The following AOX1 variants were observed in gnomAD, a reference collection of about 807,000 sequenced individuals.
AOX1 encodes aldehyde oxidase 1.
A neutral mutation model predicts 169.5 loss-of-function variants in AOX1; 153 were observed. That is an observed-to-expected ratio of 0.90 (90% CI 0.79 to 1.03). The LOEUF (loss-of-function observed/expected upper bound fraction) is 1.03. Among genes scored for constraint, AOX1 ranks in the 50% least tolerant of loss-of-function variants. The probability of loss-of-function intolerance (pLI) is 0.00; values close to 1 mark genes in which losing one functional copy is unlikely to be tolerated. For synonymous variants in AOX1, 562 were observed against 581.9 expected (o/e 0.97, Z 0.49); for missense variants, 1,656 against 1,663.9 (o/e 1.00, Z 0.08).
At chr2:200,638,444 G>T (rs994261328) in intron 23 of AOX1, 142 bp downstream of exon 23, 10 of 687,520 alleles carry the variant, frequency 1.5e-5, no homozygotes, top group Non-Finnish European at 2.2e-5. Flanking sequence ...CTTTCTATTG[G>T]TTGCACTGAC....
intron 13 of AOX1, 135 bp downstream of exon 13, chr2:200,611,628 G>A: frequency 1.6e-6 from 1 of 637,480 alleles, no homozygotes; most frequent in Non-Finnish European, 2.8e-6. Context: ...GAAGTGGTAT[G>A]AGGTCATTAT....
intron 19 of AOX1, 41 bp downstream of exon 19, chr2:200,624,024 G>A: frequency 6.2e-7 from 1 of 1,609,534 alleles, no homozygotes; most frequent in Non-Finnish European, 8.5e-7. Context: ...TTGGGAGCCA[G>A]AACAAATATC....
chr2:200,662,802 T>C, intron 30 of AOX1, 53 bp from the exon 31 acceptor site: 2 of 1,411,764 alleles, frequency 1.4e-6, no homozygotes, highest in Non-Finnish European at 2.0e-6. Flanking sequence ...TTAGTCATCA[T>C]GGTCTGCAAT....
rs192745424 is a variant in AOX1 at position 200,623,688 on chromosome 2, G to A, written c.2002-173G>A. On this transcript the variant is annotated intron_variant, in intron 18 of 34. Transcript: ENST00000374700. The stretch of plus-strand genomic sequence containing the variant: ...GGATCTAAACTTCCCCCAGTGCCTC[G>A]GATCAGGAGGCCAGCTGTGGTTATA... Among the ~76,000 whole-genome samples the A allele has an allele frequency of 9.6e-4, 146 of 152,300 alleles. No homozygotes were observed. The highest frequency in any genetic ancestry group is 2.9e-3 in the South Asian group (14 of 4,830).
At chr2:200,636,247 G>A (rs2035230051) in intron 21 of AOX1, among the ~76,000 whole-genome samples, 1 of 145,742 alleles carries the variant, frequency 6.9e-6, no homozygotes, top group Non-Finnish European at 1.5e-5. Context: ...TCCGGCCTCA[G>A]CCTCCTGAGC....
intron 24 of AOX1, 87 bp from the exon 25 acceptor site, chr2:200,642,523 C>T: frequency 9.4e-7 from 1 of 1,063,892 alleles, no homozygotes; most frequent in South Asian, 1.5e-5. Flanking sequence ...AGAGAGCTGC[C>T]ATTTTCGGCC....
chr2:200,645,267 G>C (rs1418858538), intron 25 of AOX1, among the ~76,000 whole-genome samples: 1 of 152,132 alleles, frequency 6.6e-6, no homozygotes, highest in Non-Finnish European at 1.5e-5. Context: ...ATTTTGCTGA[G>C]AGTTTTAATC....
downstream of AOX1, among the ~76,000 whole-genome samples, chr2:200,675,605 A>G (rs550287008): frequency 1.4e-4 from 21 of 152,352 alleles, no homozygotes; most frequent in African/African-American, 5.0e-4. Context: ...ATACTTGCTC[A>G]AATGTCCAAA....
intron 32 of AOX1, 148 bp downstream of exon 32, chr2:200,666,900 T>C: frequency 2.0e-6 from 1 of 497,700 alleles, no homozygotes; most frequent in East Asian, 3.2e-5. Context: ...AGAGCTCAAA[T>C]GTTTTACTGT....
intron 25 of AOX1, among the ~76,000 whole-genome samples, chr2:200,650,595 T>C (rs569092629): frequency 2.6e-5 from 4 of 152,338 alleles, no homozygotes; most frequent in Non-Finnish European, 5.9e-5. Context: ...AGTCTTATCT[T>C]GCAACATAGC....
intron 15 of AOX1, among the ~76,000 whole-genome samples, chr2:200,615,537 C>T (rs2034736749): frequency 6.6e-6 from 1 of 152,198 alleles, no homozygotes; most frequent in Non-Finnish European, 1.5e-5. Flanking sequence ...ACACAGCTGG[C>T]AGGCAACATG....
chr2:200,671,349 T>C lies in AOX1; in HGVS notation c.*670T>C, dbSNP rs1221277086. Reference sequence around the variant, plus strand: ...CAATAAAAGGCAAGTAATTTAAAAATAGGCAAAAGAATTGCTGGATGGTAT... The same window carrying C: ...CAATAAAAGGCAAGTAATTTAAAAACAGGCAAAAGAATTGCTGGATGGTAT... On this transcript the variant is annotated 3_prime_UTR_variant, in exon 35 of 35. Transcript: ENST00000374700. 1 of 152,216 alleles carries C rather than the reference T, an allele frequency of 6.6e-6. No homozygotes were observed. Among genetic ancestry groups the C allele is most frequent in the Admixed American group, 6.5e-5 (1 of 15,282 alleles). 9.4% of individuals were successfully genotyped at this position (152,216 alleles called of 1,614,324 possible).
At chr2:200,624,503 G>A (rs1032140259) in intron 19 of AOX1, among the ~76,000 whole-genome samples, 1 of 152,170 alleles carries the variant, frequency 6.6e-6, no homozygotes, top group African/African-American at 2.4e-5. Flanking sequence ...GGGGATGCTA[G>A]ATGGGAAACA....
downstream of AOX1, among the ~76,000 whole-genome samples, chr2:200,675,004 TGC>T (rs2036076899): frequency 6.6e-6 from 1 of 152,228 alleles, no homozygotes. Context: ...TAAGGGGATC[TGC>T]TTCACAGCAG....
At chr2:200,658,705 G>A (rs551723327) in intron 27 of AOX1, among the ~76,000 whole-genome samples, 14 of 152,218 alleles carry the variant, frequency 9.2e-5, no homozygotes, top group African/African-American at 2.9e-4. Flanking sequence ...TGTTCATGCC[G>A]TTGCTTTTCC....
At chr2:200,680,819 T>G (rs2036146336), downstream of AOX1, among the ~76,000 whole-genome samples, 1 of 152,148 alleles carries the variant, frequency 6.6e-6, no homozygotes, top group Admixed American at 6.5e-5. Flanking sequence ...ATGCTGGGAT[T>G]AGAGGTGTGA....
chr2:200,625,937 A>C (rs2034992192), intron 19 of AOX1, among the ~76,000 whole-genome samples: 1 of 152,302 alleles, frequency 6.6e-6, no homozygotes, highest in African/African-American at 2.4e-5. Context: ...GAATGGGGCA[A>C]CGATCAAAAC....
chr2:200,610,613 C>A (rs973588153), intron 12 of AOX1, among the ~76,000 whole-genome samples: 18 of 151,990 alleles, frequency 1.2e-4, no homozygotes, highest in Non-Finnish European at 2.4e-4. Context: ...CAGTAGTATA[C>A]AAATTTATTA....
intron 9 of AOX1, among the ~76,000 whole-genome samples, chr2:200,605,122 C>T (rs34299045): frequency 0.052 from 7,964 of 152,232 alleles, 224 homozygotes; most frequent in Middle Eastern, 0.082. Flanking sequence ...TGACAGCTGT[C>T]CTGTCTTTCC....
Sources: allele counts gnomAD v4.1 joint callset (sites outside exome capture counted in the v4.1 genomes callset), GRCh38; gene constraint gnomAD v4.1.1; transcripts MANE v1.5; gene names NCBI Gene and HGNC (gene_info 2026-07-23, HGNC 2026-07-21).